The following MLXIPL variants were observed in gnomAD, a reference collection of about 807,000 sequenced individuals.
MLXIPL encodes carbohydrate-responsive element-binding protein.
In MLXIPL, 49 loss-of-function variants were observed where a neutral mutation model predicts 81.5. The observed-to-expected ratio is 0.60, with a 90% CI of 0.48 to 0.76. MLXIPL has a LOEUF of 0.76. Ranked by LOEUF, MLXIPL falls within the 30% of genes least tolerant of loss-of-function variation. The pLI, the probability that MLXIPL is intolerant of heterozygous loss-of-function variation, is 0.00. For synonymous variants in MLXIPL, 466 were observed against 485.5 expected (o/e 0.96, Z 0.53); for missense variants, 1,053 against 1,167.0 (o/e 0.90, Z 1.42).
intron 2 of MLXIPL, among the ~76,000 whole-genome samples, chr7:73,613,015 G>C (rs1425787916): frequency 6.6e-6 from 1 of 152,156 alleles, no homozygotes; most frequent in African/African-American, 2.4e-5. Context: ...ACACCAAGAC[G>C]ATTTCAGAGT....
chr7:73,601,388 C>T (rs1422246136), intron 7 of MLXIPL, among the ~76,000 whole-genome samples: 2 of 151,690 alleles, frequency 1.3e-5, no homozygotes, highest in Middle Eastern at 6.5e-3. Context: ...GAACAGGAAC[C>T]CCAGGAAGCA....
the MLXIPL span, among the ~76,000 whole-genome samples, chr7:73,642,557 C>T: frequency 2.6e-5 from 4 of 152,088 alleles, no homozygotes; most frequent in Admixed American, 1.3e-4. Context: ...AGTTTCGCCA[C>T]CTTGGCCAGG....
chr7:73,599,641 T>C lies in MLXIPL; in HGVS notation c.956A>G (p.Glu319Gly), dbSNP rs2116241583. The change falls in exon 8 of 17, where the codon GAG becomes GGG. Residue 319 changes from glutamate (E) to glycine (G), a missense_variant. Transcript: ENST00000313375. ...PQPPMPSNFP[E>G]PPSFSPVVDS... ...AACCACGGGGCTGAAGCTGGGGGGC[T>C]CTGGGAAGTTTGAAGGCATGGGCGG... is the stretch of plus-strand genomic sequence containing the variant. The C allele has an allele frequency of 6.2e-7, 1 of 1,608,922 alleles. No individual in the cohort carries two copies.
rs781930107 is a variant in MLXIPL, at chr7:73,624,260, C to T, written c.233G>A (p.Gly78Glu). ...GAGTGTGGGGTCGATACTGCGCGGC[C>T]CGAAGTCGGAGGGCCCCACGGACCC... ...QEGSVGPSDF[G>E]PRSIDPTLTR... Residue 78 changes from glycine to glutamate, a missense_variant, in exon 1 of 17, where the codon GGG (glycine) becomes GAG (glutamate). Physicochemically the swap from Gly to Glu is moderately conservative, Grantham distance 98. Around this residue, in one of 3 missense-constraint regions of MLXIPL, gnomAD observed 226 missense variants for 216.2 expected, o/e 1.05. Coordinates refer to ENST00000313375, the MANE Select transcript of MLXIPL (RefSeq NM_032951.3). The T allele has an allele frequency of 1.4e-5, 23 of 1,594,840 alleles. No homozygotes were observed. Among genetic ancestry groups the T allele is most frequent in the Admixed American group, 3.5e-5 (2 of 57,534 alleles).
chr7:73,626,369 C>T (rs1563522066), upstream of MLXIPL, among the ~76,000 whole-genome samples: 2 of 152,164 alleles, frequency 1.3e-5, no homozygotes, highest in Non-Finnish European at 2.9e-5. Context: ...GAGGCACGGT[C>T]ATAGCTCACT....
rs1339120400 is a variant in MLXIPL, at chr7:73,599,575, G to A, written c.1022C>T (p.Pro341Leu). 3.1e-6 allele frequency: 5 copies of A among 1,612,814 alleles called. No homozygotes were observed. The highest frequency in any genetic ancestry group is 4.2e-6 in the Non-Finnish European group (5 of 1,179,488). Residue 341 changes from proline to leucine, a missense_variant, in exon 8 of 17, where the codon CCC becomes CTC. Physicochemically the swap from Pro to Leu is moderately conservative, Grantham distance 98 (BLOSUM62 -3). Coordinates refer to ENST00000313375, the MANE Select transcript of MLXIPL (RefSeq NM_032951.3). ...GTGGGTCATGGCCGAGGAAGCCGGG[G>A]GCACCTCTGGGCCCAGGGTCCCACT... Reference protein sequence around the residue: ...FSSGTLGPEVPPASSAMTHLS... With the variant: ...FSSGTLGPEVLPASSAMTHLS...
Position 73,596,695 on chromosome 7 carries a change from G to A in MLXIPL, c.1766C>T (p.Pro589Leu), listed in dbSNP as rs1554594100. 4 of 1,589,448 alleles carry A rather than the reference G, an allele frequency of 2.5e-6. No individual in the cohort carries two copies. Among genetic ancestry groups the A allele is most frequent in the Non-Finnish European group, 3.4e-6 (4 of 1,168,058 alleles). Residue 589 changes from proline (P) to leucine (L), a missense_variant, in exon 11 of 17, where the codon CCT becomes CTT. Physicochemically the swap from Pro to Leu is moderately conservative, Grantham distance 98. This residue lies in a region of MLXIPL where 823 missense variants were observed against 933.0 expected (regional missense o/e 0.88). Transcript: ENST00000313375. This position sits in a 1 kb window ranked among gnomAD's most constrained non-coding sequence, Gnocchi z 4.7. ...TTTGGGGACAAGCAGGGGCCTGGAA[G>A]GGGCCAATGTGGCCGGGCCTGGAGG... ...RPPPGPATLAPSRPLLVPKAE... is the reference protein window; with the variant it reads ...RPPPGPATLALSRPLLVPKAE...
Position 73,596,930 on chromosome 7 carries a change from T to C in MLXIPL, c.1606A>G (p.Lys536Glu), listed in dbSNP as rs1472755443. 1.4e-5 allele frequency: 23 copies of C among 1,609,046 alleles called. No individual in the cohort carries two copies. The highest frequency in any genetic ancestry group is 2.0e-5 in the Non-Finnish European group (23 of 1,179,224). Residue 536 changes from lysine (K) to glutamate (E), a missense_variant and splice_region_variant, in exon 10 of 17, where the codon AAG becomes GAG. Coordinates refer to ENST00000313375, the MANE Select transcript of MLXIPL (RefSeq NM_032951.3). This position sits in a 1 kb window ranked among gnomAD's most constrained non-coding sequence, Gnocchi z 4.7. The part of the protein sequence containing the change: ...PCLTQLLTAA[K>E]PEQALEPPLV... ...GGTGGCTCCAGGGCTTGCTCCGGCT[T>C]AGCTGTGCACGGGCAGAACCGTGAG...
chr7:73,646,871 C>T, the MLXIPL span, among the ~76,000 whole-genome samples: 1 of 152,136 alleles, frequency 6.6e-6, no homozygotes, highest in East Asian at 1.9e-4. Context: ...GATCCCTGGT[C>T]CCCCTGACTT....
the MLXIPL span, among the ~76,000 whole-genome samples, chr7:73,637,307 G>A: frequency 4.1e-4 from 62 of 151,426 alleles, no homozygotes; most frequent in African/African-American, 1.5e-3. Context: ...GCGAAACCCC[G>A]TCTCTCCTAA....
At chr7:73,613,180 C>T (rs1379442997) in intron 2 of MLXIPL, among the ~76,000 whole-genome samples, 1 of 152,192 alleles carries the variant, frequency 6.6e-6, no homozygotes, top group Admixed American at 6.6e-5. Flanking sequence ...TGAAGCCCAC[C>T]TTCAAACCTT....
chr7:73,632,929 AC>A, the MLXIPL span, among the ~76,000 whole-genome samples: 8 of 151,146 alleles, frequency 5.3e-5, no homozygotes, highest in Admixed American at 1.3e-4. Context: ...ACAGGTGCCC[AC>A]CACCACGTGT....
At chr7:73,645,899 C>T in the MLXIPL span, among the ~76,000 whole-genome samples, 3 of 152,172 alleles carry the variant, frequency 2.0e-5, no homozygotes, top group South Asian at 2.1e-4. Flanking sequence ...TCTTTTCCTT[C>T]TCTGGTTATC....
Position 73,594,361 on chromosome 7 carries a change from T to C in MLXIPL, c.2353A>G (p.Met785Val), listed in dbSNP as rs1554592945. The C allele has an allele frequency of 1.2e-6, 2 of 1,608,402 alleles. No homozygotes were observed. The highest frequency in any genetic ancestry group is 1.7e-5 in the Admixed American group (1 of 60,006). Reference sequence around the variant, plus strand: ...GTGTGCACACTTGCCGTGGACACCATCCCGTTGAAGGACTCAAACAGAGGC... The same window carrying C: ...GTGTGCACACTTGCCGTGGACACCACCCCGTTGAAGGACTCAAACAGAGGC... ...IRPLFESFNG[M>V]VSTASVHTLR... The change falls in exon 16 of 17, where the codon ATG (methionine) becomes GTG (valine). Residue 785 changes from methionine (M) to valine (V), a missense_variant. By Grantham distance (21) the Met-to-Val change is conservative (BLOSUM62 1). This residue lies in a region of MLXIPL where 823 missense variants were observed against 933.0 expected (regional missense o/e 0.88). Transcript: ENST00000313375.
At chr7:73,641,913 C>T in the MLXIPL span, among the ~76,000 whole-genome samples, 3 of 151,968 alleles carry the variant, frequency 2.0e-5, no homozygotes, top group South Asian at 2.1e-4. Context: ...GGATTACAGA[C>T]GTGAGCCACT....
upstream of MLXIPL, among the ~76,000 whole-genome samples, chr7:73,629,100 T>A (rs370800891): frequency 8.8e-3 from 1,333 of 151,800 alleles, 16 homozygotes; most frequent in African/African-American, 0.03. Flanking sequence ...TGGAGTGCAG[T>A]GGCGTGATCT....
upstream of MLXIPL, among the ~76,000 whole-genome samples, chr7:73,625,146 T>G (rs1271691815): frequency 1.3e-5 from 2 of 151,960 alleles, no homozygotes; most frequent in Non-Finnish European, 2.9e-5. Flanking sequence ...ATCGCGCCAC[T>G]GCACTCCAGC....
chr7:73,624,054 G>T (rs2116541836), intron 1 of MLXIPL, 146 bp downstream of exon 1: 2 of 1,124,210 alleles, frequency 1.8e-6, no homozygotes, highest in Non-Finnish European at 2.4e-6. Flanking sequence ...GAGAAAGGGG[G>T]TGTCCAGGGC....
At position 73,597,386 on chromosome 7, in the gene MLXIPL, G is replaced by A. The variant is rs1554594615; in HGVS notation, c.1399C>T (p.Pro467Ser). Residue 467 changes from proline (P) to serine (S), a missense_variant, in exon 9 of 17, where the codon CCC (proline) becomes TCC (serine). This residue lies in a region of MLXIPL where 823 missense variants were observed against 933.0 expected (regional missense o/e 0.88). Transcript: ENST00000313375. ...AGAAGCTCTATGGGGAAGGGGGTGGGGGCTGGGCTGGGGACAGACTGTGGG... is the reference window on the plus strand; with the variant it reads ...AGAAGCTCTATGGGGAAGGGGGTGGAGGCTGGGCTGGGGACAGACTGTGGG... ...PTPQSVPSPA[P>S]TPFPIELLPL... 1.2e-5 allele frequency: 17 copies of A among 1,448,970 alleles called. No individual in the cohort carries two copies. The highest frequency in any genetic ancestry group is 1.6e-5 in the Non-Finnish European group (17 of 1,094,370). 89.8% of individuals were successfully genotyped at this position (1,448,970 alleles called of 1,614,324 possible). A position where few individuals can be genotyped will look rare whatever the true frequency, so the allele number is the denominator to read the frequency against.
Sources: allele counts gnomAD v4.1 joint callset (sites outside exome capture counted in the v4.1 genomes callset), GRCh38; gene constraint gnomAD v4.1.1; regional missense constraint gnomAD v4.1.1; non-coding constraint Gnocchi (gnomAD v3.1); transcripts MANE v1.5; gene names NCBI Gene and HGNC (gene_info 2026-07-23, HGNC 2026-07-21).